Variants in SLC30A8 observed in about 807,000 individuals in gnomAD.
The protein encoded by SLC30A8 is proton-coupled zinc antiporter SLC30A8.
Under a neutral mutation model 36.9 loss-of-function variants are expected in SLC30A8, and 27 were observed. The observed-to-expected ratio is 0.73, with a 90% confidence interval of 0.54 to 1.01. The LOEUF is 1.01. Ranked by LOEUF, SLC30A8 falls within the 50% of genes least tolerant of loss-of-function variation. The pLI, the probability that SLC30A8 is intolerant of heterozygous loss-of-function variation, is 0.00. For synonymous variants in SLC30A8, 164 were observed against 172.4 expected (o/e 0.95, Z 0.38); for missense variants, 439 against 452.0 (o/e 0.97, Z 0.26).
intron 2 of SLC30A8, among the ~76,000 whole-genome samples, chr8:117,073,560 G>A (rs1377610583): frequency 6.6e-6 from 1 of 152,074 alleles, no homozygotes; most frequent in Non-Finnish European, 1.5e-5. Context: ...GTGCCTGGCC[G>A]ATACTTCTTT....
chr8:117,033,710 G>GGA (rs1319024504), intron 1 of SLC30A8, among the ~76,000 whole-genome samples: 2 of 152,192 alleles, frequency 1.3e-5, no homozygotes, highest in Non-Finnish European at 2.9e-5. Context: ...TGATACTATG[G>GGA]GAGAAGGATT....
At chr8:117,142,925 G>A (rs1323221883) in intron 1 of SLC30A8, among the ~76,000 whole-genome samples, 1 of 152,074 alleles carries the variant, frequency 6.6e-6, no homozygotes, top group Non-Finnish European at 1.5e-5. Flanking sequence ...CCCTTTTTAG[G>A]TATGCAGTAA....
chr8:117,069,994 A>G (rs1818280619), intron 2 of SLC30A8, among the ~76,000 whole-genome samples: 1 of 152,220 alleles, frequency 6.6e-6, no homozygotes. Context: ...ATCAATTTAT[A>G]TGTGACTCTT....
chr8:117,116,761 T>C (rs1820462000), intron 2 of SLC30A8, among the ~76,000 whole-genome samples: 1 of 152,074 alleles, frequency 6.6e-6, no homozygotes, highest in Non-Finnish European at 1.5e-5. Context: ...AGAAAAGTTC[T>C]GATGGTTTAG....
At chr8:117,049,310 A>G (rs1023804254) in intron 2 of SLC30A8, among the ~76,000 whole-genome samples, 1 of 152,208 alleles carries the variant, frequency 6.6e-6, no homozygotes, top group Non-Finnish European at 1.5e-5. Context: ...AATTCTCCCA[A>G]TAACCCTATG....
chr8:117,157,546 C>A, intron 3 of SLC30A8, 145 bp from the exon 4 acceptor site: 1 of 816,914 alleles, frequency 1.2e-6, no homozygotes. Flanking sequence ...AAAATCCATC[C>A]ACACTTTTAC....
chr8:116,977,442 C>T (rs1217063526), intron 1 of SLC30A8, among the ~76,000 whole-genome samples: 5 of 151,772 alleles, frequency 3.3e-5, no homozygotes, highest in East Asian at 1.9e-4. Context: ...CGTGAGCCAC[C>T]GTGCCTGGCC....
At chr8:116,952,638 G>T (rs1327217085) in intron 1 of SLC30A8, among the ~76,000 whole-genome samples, 2 of 152,078 alleles carry the variant, frequency 1.3e-5, no homozygotes, top group Non-Finnish European at 2.9e-5. Context: ...GAGAAAAAAA[G>T]TAGAGATGGG....
chr8:117,161,926 A>T, intron 5 of SLC30A8, 38 bp downstream of exon 5: 1 of 1,571,812 alleles, frequency 6.4e-7, no homozygotes, highest in Non-Finnish European at 8.7e-7. Flanking sequence ...GTACTTATGT[A>T]GATTAGGTAG....
At position 117,051,059 on chromosome 8, in the gene SLC30A8, G is replaced by A. The variant is rs184454019; in HGVS notation, c.-226+11801G>A. ...TCTGGTCAAATAAGAGTCTCAAAGT[G>A]GTCAGAGTATAATCTAAAAAGATAA... On this transcript the variant is annotated intron_variant, in intron 2 of 10. Transcript: ENST00000427715. Among the ~76,000 whole-genome samples, 41 of 152,262 alleles carry A rather than the reference G, an allele frequency of 2.7e-4. 1 individual carries two copies. Among genetic ancestry groups the A allele is most frequent in the Admixed American group, 2.4e-3 (37 of 15,296 alleles).
intron 2 of SLC30A8, among the ~76,000 whole-genome samples, chr8:117,118,685 T>A (rs1316394470): frequency 6.6e-6 from 1 of 151,872 alleles, no homozygotes. Context: ...ACAAATATAT[T>A]AAAAAATAGC....
intron 1 of SLC30A8, among the ~76,000 whole-genome samples, chr8:117,012,178 T>A (rs960062343): frequency 1.3e-5 from 2 of 152,306 alleles, no homozygotes; most frequent in African/African-American, 4.8e-5. Flanking sequence ...TAACTTTTTT[T>A]AAAATTTGAA....
chr8:117,004,544 G>A (rs922375944), intron 1 of SLC30A8, among the ~76,000 whole-genome samples: 4 of 152,128 alleles, frequency 2.6e-5, no homozygotes, highest in Admixed American at 1.3e-4. Context: ...GACAGACTCT[G>A]ACTCCTTCTC....
chr8:117,029,234 G>A (rs1360198493), intron 1 of SLC30A8, among the ~76,000 whole-genome samples: 1 of 152,024 alleles, frequency 6.6e-6, no homozygotes, highest in East Asian at 1.9e-4. Context: ...CTTAATTATT[G>A]TCAACTTTTG....
chr8:117,002,361 A>G (rs1816038618), intron 1 of SLC30A8, among the ~76,000 whole-genome samples: 1 of 152,200 alleles, frequency 6.6e-6, no homozygotes. Flanking sequence ...TACAAATTAC[A>G]TGCCTTAAGT....
chr8:117,136,155 C>G (rs1410343549), intron 1 of SLC30A8, among the ~76,000 whole-genome samples: 1 of 151,914 alleles, frequency 6.6e-6, no homozygotes, highest in Non-Finnish European at 1.5e-5. Flanking sequence ...TCAGAGGAAG[C>G]TTTCTCAGAA....
intron 2 of SLC30A8, among the ~76,000 whole-genome samples, chr8:117,080,893 T>C (rs994697248): frequency 6.6e-6 from 1 of 152,198 alleles, no homozygotes; most frequent in African/African-American, 2.4e-5. Flanking sequence ...CAATACTTAG[T>C]TCTTTGAGAA....
At chr8:116,963,365 A>G (rs186827168) in intron 1 of SLC30A8, among the ~76,000 whole-genome samples, 2 of 152,282 alleles carry the variant, frequency 1.3e-5, no homozygotes, top group African/African-American at 4.8e-5. Flanking sequence ...TGATGCGACC[A>G]CCATGACTAC....
chr8:117,022,813 A>C (rs1031296041), intron 1 of SLC30A8, among the ~76,000 whole-genome samples: 4 of 152,218 alleles, frequency 2.6e-5, no homozygotes, highest in East Asian at 1.9e-4. Context: ...GGACATAGGC[A>C]TGGGCAAGGA....
Sources: gnomAD v4.1 joint callset for allele counts (sites outside exome capture counted in the v4.1 genomes callset) on GRCh38, gnomAD v4.1.1 for gene constraint, MANE v1.5 for transcripts, NCBI Gene and HGNC (gene_info 2026-07-23, HGNC 2026-07-21) for gene names.